The following SMIM14 variants were observed in gnomAD, a reference collection of about 807,000 sequenced individuals.
The protein encoded by SMIM14 is small integral membrane protein 14.
A neutral mutation model predicts 12.6 loss-of-function variants in SMIM14; 5 were observed. The observed-to-expected ratio is 0.40, with a 90% CI of 0.21 to 0.83. The LOEUF is 0.83. SMIM14 is among the 40% of genes least tolerant of loss of function. The pLI, the probability that SMIM14 is intolerant of heterozygous loss-of-function variation, is 0.37. For synonymous variants in SMIM14, 30 were observed against 40.1 expected (o/e 0.75, Z 0.95); for missense variants, 86 against 119.1 (o/e 0.72, Z 1.29).
chr4:39,626,612 A>C (rs1164901415), intron 1 of SMIM14, among the ~76,000 whole-genome samples: 1 of 152,248 alleles, frequency 6.6e-6, no homozygotes, highest in Non-Finnish European at 1.5e-5. Flanking sequence ...TTTACCATCA[A>C]GAGCTTGCAA....
intron 3 of SMIM14, among the ~76,000 whole-genome samples, chr4:39,566,121 C>T (rs148491011): frequency 1.6e-4 from 24 of 150,292 alleles, no homozygotes; most frequent in African/African-American, 4.7e-4. Context: ...TATTAACATA[C>T]GAGATGATGA....
In SMIM14 at chr4:39,631,494, T is replaced by TA. The variant is rs553178245; in HGVS notation, c.-36+7244dup. Among the ~76,000 whole-genome samples the TA allele has an allele frequency of 3.1e-3, 463 of 149,540 alleles. 1 individual carries two copies. Among genetic ancestry groups the TA allele is most frequent in the South Asian group, 6.3e-3 (30 of 4,768 alleles). ...TAACATGGTGAAACTCCGTCTCTAC[T>TA]AAAAATACAAAAAAATTAGCCGGGC... is the stretch of plus-strand genomic sequence containing the variant. On this transcript the variant is annotated intron_variant, in intron 1 of 4. Transcript: ENST00000295958.
At chr4:39,631,385 G>A (rs571241805) in intron 1 of SMIM14, among the ~76,000 whole-genome samples, 11 of 151,246 alleles carry the variant, frequency 7.3e-5, no homozygotes, top group African/African-American at 2.4e-4. Flanking sequence ...GTGGCCGGGT[G>A]CAGTGGCTCA....
rs551855931 is a variant in SMIM14 at position 39,623,627 on chromosome 4, A to G, written c.-36+15112T>C. On this transcript the variant is annotated intron_variant, in intron 1 of 4. Transcript: ENST00000295958. ...GTAATCCCAGCACTTTGGGAGGCCA[A>G]GAAGGTTGGATCACCTGAGGCCAAG... Among the ~76,000 whole-genome samples, 351 of 152,320 alleles carry G rather than the reference A, an allele frequency of 2.3e-3. 2 individuals carry two copies. Among genetic ancestry groups the G allele is most frequent in the Non-Finnish European group, 3.9e-3 (266 of 68,038 alleles).
chr4:39,614,198 A>G (rs1715135849), intron 1 of SMIM14, among the ~76,000 whole-genome samples: 1 of 151,886 alleles, frequency 6.6e-6, no homozygotes, highest in African/African-American at 2.4e-5. Context: ...AAAAAAAAAA[A>G]AAAAAGAAAA....
Position 39,558,782 on chromosome 4 carries a change from C to T in SMIM14, c.125-2212G>A, listed in dbSNP as rs532558207. Among the ~76,000 whole-genome samples the T allele has an allele frequency of 4.2e-4, 64 of 152,310 alleles. No individual in the cohort carries two copies. The highest frequency in any genetic ancestry group is 7.9e-4 in the Non-Finnish European group (54 of 68,022). On this transcript the variant is annotated intron_variant, in intron 3 of 4. Coordinates refer to ENST00000295958, the MANE Select transcript of SMIM14 (RefSeq NM_174921.3). The surrounding 1 kb of genome is among the most constrained non-coding windows in gnomAD (Gnocchi z 4.3). ...GCTGGAATACAATGGCATGTCAGCT[C>T]ACTGCAACCTCCACCTCCCGGGTTC...
rs1470779080 is a variant in SMIM14 at position 39,547,790 on chromosome 4, G to A, written c.*4336C>T. Reference sequence around the variant, plus strand: ...ACCACATACCACAAAAACACTAAAAGTAGCCATAGAATAGCTGTATTCAAT... The same window carrying A: ...ACCACATACCACAAAAACACTAAAAATAGCCATAGAATAGCTGTATTCAAT... On this transcript the variant is annotated 3_prime_UTR_variant, in exon 5 of 5. Transcript: ENST00000295958. 1 of 151,874 alleles carries A rather than the reference G, an allele frequency of 6.6e-6. No homozygotes were observed. Among genetic ancestry groups the A allele is most frequent in the African/African-American group, 2.4e-5 (1 of 41,338 alleles). The allele number at this position is 151,874 out of a possible 1,614,324, so 9.4% of individuals were successfully genotyped here. A position where few individuals can be genotyped will look rare whatever the true frequency, so the allele number is the denominator to read the frequency against.
intron 3 of SMIM14, among the ~76,000 whole-genome samples, chr4:39,565,530 C>T (rs1341599900): frequency 6.6e-6 from 1 of 152,080 alleles, no homozygotes; most frequent in Non-Finnish European, 1.5e-5. Flanking sequence ...CAACATGTTG[C>T]CTATGCTGGT....
intron 1 of SMIM14, among the ~76,000 whole-genome samples, chr4:39,614,185 CAAAA>C (rs60332502): frequency 2.0e-5 from 2 of 102,276 alleles, no homozygotes; most frequent in African/African-American, 3.2e-5. Flanking sequence ...AACTCCATTA[CAAAA>C]AAAAAAAAAA....
chr4:39,615,096 G>GT (rs80057241), intron 1 of SMIM14, among the ~76,000 whole-genome samples: 1,858 of 149,864 alleles, frequency 0.012, 26 homozygotes, highest in African/African-American at 0.041. Flanking sequence ...TCTCTAAAAT[G>GT]TTTTTTTTTT....
intron 2 of SMIM14, among the ~76,000 whole-genome samples, chr4:39,576,684 ATTTTTTTTTTTTTTTTTT>A (rs574142564): frequency 5.1e-4 from 13 of 25,550 alleles, no homozygotes; most frequent in South Asian, 4.2e-3. Flanking sequence ...ATATATATAT[ATTTTTTTTTTTTTTTTTT>A]TTTTTTTTTT....
chr4:39,616,661 A>G (rs898670047), intron 1 of SMIM14, among the ~76,000 whole-genome samples: 8 of 151,430 alleles, frequency 5.3e-5, no homozygotes, highest in African/African-American at 7.3e-5. Flanking sequence ...AAAAAAGAAA[A>G]GAAAAAGAAA....
chr4:39,619,106 G>A lies in SMIM14; in HGVS notation c.-35-13926C>T, dbSNP rs906468640. ...AGATAATTTAGCATGTTCAGTTCAA[G>A]AGAAAATTGAGATATAATTAAATAT... On this transcript the variant is annotated intron_variant, in intron 1 of 4. Coordinates refer to ENST00000295958, the MANE Select transcript of SMIM14 (RefSeq NM_174921.3). Among the ~76,000 whole-genome samples, 20 of 151,002 alleles carry A rather than the reference G, an allele frequency of 1.3e-4. No homozygotes were observed. In the Admixed American group the frequency reaches 1.3e-3, roughly 10 times the overall value.
At chr4:39,629,959 T>C (rs1715841536) in intron 1 of SMIM14, among the ~76,000 whole-genome samples, 1 of 152,126 alleles carries the variant, frequency 6.6e-6, no homozygotes, top group South Asian at 2.1e-4. Flanking sequence ...TATTACAAAA[T>C]ACTGGTGTGT....
intron 1 of SMIM14, among the ~76,000 whole-genome samples, chr4:39,620,328 A>T (rs1040506580): frequency 6.6e-6 from 1 of 151,974 alleles, no homozygotes; most frequent in African/African-American, 2.4e-5. Context: ...AAATACAAAA[A>T]ATTAGCCAGG....
chr4:39,613,279 C>T (rs1403281829), intron 1 of SMIM14, among the ~76,000 whole-genome samples: 1 of 152,088 alleles, frequency 6.6e-6, no homozygotes. Context: ...AGTAAATCAA[C>T]CAGAATTTTA....
intron 1 of SMIM14, among the ~76,000 whole-genome samples, chr4:39,612,738 C>CT (rs1379262993): frequency 6.6e-6 from 1 of 152,188 alleles, no homozygotes; most frequent in Non-Finnish European, 1.5e-5. Flanking sequence ...GTAGCTGGGA[C>CT]TGCAGGCACC....
intron 2 of SMIM14, among the ~76,000 whole-genome samples, chr4:39,598,885 G>A (rs1361991135): frequency 6.6e-6 from 1 of 150,378 alleles, no homozygotes; most frequent in South Asian, 2.1e-4. Context: ...CCAGCTCCCT[G>A]TAGTCCTGAT....
intron 2 of SMIM14, among the ~76,000 whole-genome samples, chr4:39,586,558 C>T (rs1713792905): frequency 6.6e-6 from 1 of 152,022 alleles, no homozygotes; most frequent in South Asian, 2.1e-4. Context: ...TGGAAGCTTG[C>T]TCTACCATTC....
Sources: gnomAD v4.1 joint callset for allele counts (sites outside exome capture counted in the v4.1 genomes callset) on GRCh38, gnomAD v4.1.1 for gene constraint, Gnocchi (gnomAD v3.1) non-coding constraint, MANE v1.5 for transcripts, NCBI Gene and HGNC (gene_info 2026-07-23, HGNC 2026-07-21) for gene names.